ARHGEF26: variants seen among roughly 807,000 people sequenced by gnomAD.
ARHGEF26 encodes the protein Rho guanine nucleotide exchange factor 26.
A neutral mutation model predicts 89.4 loss-of-function variants in ARHGEF26; 59 were observed. The observed-to-expected ratio is 0.66, with a 90% CI of 0.54 to 0.82. The LOEUF (loss-of-function observed/expected upper bound fraction) is 0.82, where lower values mean the gene tolerates loss of function less well. Among genes scored for constraint, ARHGEF26 ranks in the 40% least tolerant of loss-of-function variants. ARHGEF26 has a pLI of 0.00. For missense variants in ARHGEF26, 1,234 were observed against 1,085.6 expected (o/e 1.14, Z -1.92); for synonymous variants, 500 against 428.4 (o/e 1.17, Z -2.06).
chr3:154,254,634 G>C (rs1270349389), intron 13 of ARHGEF26, 86 bp from the exon 14 acceptor site: 2 of 1,039,154 alleles, frequency 1.9e-6, no homozygotes, highest in Non-Finnish European at 2.9e-6. Flanking sequence ...CTGAATTGCA[G>C]AGAAAAATAA....
chr3:154,148,982 G>C (rs1325224753), intron 4 of ARHGEF26, among the ~76,000 whole-genome samples: 1 of 152,094 alleles, frequency 6.6e-6, no homozygotes, highest in Non-Finnish European at 1.5e-5. Context: ...ATATAAAGTA[G>C]GGGGTCCCTA....
intron 9 of ARHGEF26, among the ~76,000 whole-genome samples, chr3:154,208,125 G>A (rs1715144942): frequency 6.6e-6 from 1 of 152,150 alleles, no homozygotes; most frequent in African/African-American, 2.4e-5. Flanking sequence ...AGTGAATTAG[G>A]CAGAATAGCT....
intron 11 of ARHGEF26, among the ~76,000 whole-genome samples, chr3:154,239,401 C>T (rs35619459): frequency 0.14 from 21,365 of 149,906 alleles, 1,901 homozygotes; most frequent in East Asian, 0.38. Flanking sequence ...GGGAGAGGAT[C>T]GGAAACGATC....
intron 10 of ARHGEF26, among the ~76,000 whole-genome samples, chr3:154,224,780 T>A (rs73872153): frequency 0.017 from 2,542 of 152,328 alleles, 70 homozygotes; most frequent in African/African-American, 0.058. Context: ...CTTCGTTTTT[T>A]GGACCTTCAG....
At chr3:154,154,573 TATAG>T (rs55983930) in intron 6 of ARHGEF26, among the ~76,000 whole-genome samples, 98,177 of 151,576 alleles carry the variant, frequency 0.65, 33,151 homozygotes, top group South Asian at 0.77. Context: ...TCTCTTCCCA[TATAG>T]ATACTCTTAA....
intron 6 of ARHGEF26, among the ~76,000 whole-genome samples, chr3:154,182,406 G>A (rs1158524039): frequency 6.6e-6 from 1 of 152,134 alleles, no homozygotes; most frequent in African/African-American, 2.4e-5. Context: ...CAGGGCACCT[G>A]TAAACCAATA....
Position 154,255,521 on chromosome 3 carries a change from G to C in ARHGEF26, c.*48G>C. ...CTGCAAGATTTGCACGACACTTACC[G>C]GGCTGGTTGGTTCTGGGCTAGTTTT... is the stretch of plus-strand genomic sequence containing the variant. On this transcript the variant is annotated 3_prime_UTR_variant, in exon 15 of 15. Coordinates refer to ENST00000465093, the MANE Select transcript of ARHGEF26 (RefSeq NM_015595.4). The C allele has an allele frequency of 6.3e-7, 1 of 1,583,798 alleles. No individual in the cohort carries two copies. Among genetic ancestry groups the C allele is most frequent in the South Asian group, 1.2e-5 (1 of 85,352 alleles).
intron 4 of ARHGEF26, among the ~76,000 whole-genome samples, chr3:154,147,297 C>T (rs1437385960): frequency 2.0e-5 from 3 of 152,138 alleles, no homozygotes; most frequent in East Asian, 1.9e-4. Context: ...CTCAGCTCCT[C>T]ATCCTCAGGA....
Position 154,129,753 on chromosome 3 carries a change from GAAA to G in ARHGEF26, c.1269+39_1269+41del, listed in dbSNP as rs761163589. The G allele has an allele frequency of 2.0e-5, 32 of 1,572,138 alleles. No homozygotes were observed. In the South Asian group the frequency reaches 3.4e-4, roughly 17 times the overall value. On this transcript the variant is annotated intron_variant, in intron 4 of 14. Coordinates refer to ENST00000465093, the MANE Select transcript of ARHGEF26 (RefSeq NM_015595.4). ...TTATCTTCTTTTCTATCTGTGGTAGGAAAAAAACAAGTTTTGGAAATTATGTGT... is the reference window on the plus strand; with the variant it reads ...TTATCTTCTTTTCTATCTGTGGTAGGAAAACAAGTTTTGGAAATTATGTGT...
rs748912005 is a variant in ARHGEF26 at position 154,187,710 on chromosome 3, C to T, written c.1513C>T (p.His505Tyr). 3 of 1,608,776 alleles carry T rather than the reference C, an allele frequency of 1.9e-6. No individual in the cohort carries two copies. The highest frequency in any genetic ancestry group is 2.2e-5 in the East Asian group (1 of 44,772). The change falls in exon 7 of 15, where the codon CAT becomes TAT. Residue 505 changes from histidine to tyrosine, a missense_variant. His to Tyr is a moderately conservative substitution (Grantham distance 83). Coordinates refer to ENST00000465093, the MANE Select transcript of ARHGEF26 (RefSeq NM_015595.4). ...GTTCTTTATAGAGTTGGAAGCAAGA[C>T]ATCAGAATAATATCTTCATAGATGA... ...KKFFIELEAR[H>Y]QNNIFIDDIS...
chr3:154,213,529 T>G (rs1715529469), intron 9 of ARHGEF26, among the ~76,000 whole-genome samples: 1 of 152,200 alleles, frequency 6.6e-6, no homozygotes. Flanking sequence ...TCTTTAGGAT[T>G]TCCCTAGTGG....
intron 11 of ARHGEF26, among the ~76,000 whole-genome samples, chr3:154,236,472 T>A (rs1364845298): frequency 2.0e-5 from 3 of 152,246 alleles, no homozygotes; most frequent in Non-Finnish European, 4.4e-5. Context: ...CAAGGAAAGA[T>A]GGTTTTTCCA....
intron 11 of ARHGEF26, among the ~76,000 whole-genome samples, chr3:154,227,746 A>G (rs1432673744): frequency 6.6e-6 from 1 of 152,172 alleles, no homozygotes; most frequent in East Asian, 1.9e-4. Flanking sequence ...CTTGACTTTT[A>G]ACATCTTCCA....
chr3:154,212,146 C>T (rs796467561), intron 9 of ARHGEF26, among the ~76,000 whole-genome samples: 8 of 152,002 alleles, frequency 5.3e-5, no homozygotes, highest in African/African-American at 1.4e-4. Context: ...CGAGACCAGC[C>T]TGGGCAACAT....
chr3:154,194,523 C>A, intron 8 of ARHGEF26, 121 bp from the exon 9 acceptor site: 1 of 682,822 alleles, frequency 1.5e-6, no homozygotes, highest in Non-Finnish European at 2.5e-6. Flanking sequence ...TATCCTCATA[C>A]TCATCCGTAA....
intron 11 of ARHGEF26, among the ~76,000 whole-genome samples, chr3:154,238,861 C>G (rs1327137488): frequency 6.6e-6 from 1 of 151,892 alleles, no homozygotes; most frequent in Non-Finnish European, 1.5e-5. Flanking sequence ...TAACTGGGTA[C>G]CAAGAAATGC....
chr3:154,175,850 G>A (rs758578780), intron 6 of ARHGEF26, among the ~76,000 whole-genome samples: 37 of 152,160 alleles, frequency 2.4e-4, no homozygotes, highest in Non-Finnish European at 5.0e-4. Context: ...ACTTGGAAAT[G>A]GTACTAATGT....
chr3:154,237,717 A>T (rs1162031514), intron 11 of ARHGEF26, among the ~76,000 whole-genome samples: 2 of 152,218 alleles, frequency 1.3e-5, no homozygotes, highest in Non-Finnish European at 2.9e-5. Flanking sequence ...ACTTTATAGC[A>T]TATTCATTTC....
intron 10 of ARHGEF26, among the ~76,000 whole-genome samples, chr3:154,224,456 T>C (rs1218549884): frequency 6.6e-6 from 1 of 152,170 alleles, no homozygotes; most frequent in Non-Finnish European, 1.5e-5. Context: ...ATCAGAACAG[T>C]CACAGGGCAG....
Sources: allele counts gnomAD v4.1 joint callset (sites outside exome capture counted in the v4.1 genomes callset), GRCh38; gene constraint gnomAD v4.1.1; transcripts MANE v1.5; gene names NCBI Gene and HGNC (gene_info 2026-07-23, HGNC 2026-07-21).